Variants in NRXN3 observed in about 807,000 individuals in gnomAD.
The protein encoded by NRXN3 is neurexin III.
In NRXN3, 32 loss-of-function variants were observed where a neutral mutation model predicts 137.6. The ratio of observed to expected loss-of-function variants is 0.23; its 90% confidence interval spans 0.18 to 0.31. The LOEUF (loss-of-function observed/expected upper bound fraction) is 0.31, where lower values mean the gene tolerates loss of function less well. Ranked by LOEUF, NRXN3 falls within the 10% of genes least tolerant of loss-of-function variation. NRXN3 has a pLI of 1.00. For synonymous variants in NRXN3, 798 were observed against 784.5 expected (o/e 1.02, Z -0.29); for missense variants, 1,574 against 2,062.5 (o/e 0.76, Z 4.59).
intron 4 of NRXN3, among the ~76,000 whole-genome samples, chr14:78,355,073 A>G (rs955068534): frequency 1.3e-5 from 2 of 152,214 alleles, no homozygotes; most frequent in Admixed American, 1.3e-4. Context: ...AAAATTATCC[A>G]TTAAGCCAAC....
In NRXN3 at chr14:79,309,714, G is replaced by C. The variant is rs1453575021; in HGVS notation, c.3263-157507G>C. On this transcript the variant is annotated intron_variant, in intron 15 of 20. Transcript: ENST00000335750. Reference sequence around the variant, plus strand: ...TGAGCATTTCTTCATGTGTTTTTTGGCTGCATAAATGTCTTCTTTTGAGAA... The same window carrying C: ...TGAGCATTTCTTCATGTGTTTTTTGCCTGCATAAATGTCTTCTTTTGAGAA... Among the ~76,000 whole-genome samples, 5 of 146,530 alleles carry C rather than the reference G, an allele frequency of 3.4e-5. No homozygotes were observed. In the East Asian group the frequency reaches 1.0e-3, roughly 30 times the overall value.
At chr14:79,650,162 C>T (rs1362260356) in intron 16 of NRXN3, among the ~76,000 whole-genome samples, 1 of 152,038 alleles carries the variant, frequency 6.6e-6, no homozygotes, top group Non-Finnish European at 1.5e-5. Flanking sequence ...ACACATCTAG[C>T]GTCAGAAGCG....
intron 2 of NRXN3, among the ~76,000 whole-genome samples, chr14:78,272,591 T>C (rs1341586950): frequency 6.6e-6 from 1 of 152,200 alleles, no homozygotes; most frequent in Non-Finnish European, 1.5e-5. Flanking sequence ...CATTACTGCA[T>C]TTTACCCCTT....
chr14:78,739,432 C>T (rs1378935744), intron 8 of NRXN3, among the ~76,000 whole-genome samples: 2 of 152,144 alleles, frequency 1.3e-5, no homozygotes, highest in African/African-American at 4.8e-5. Context: ...CTTTGGTTGC[C>T]CTCCACAGAG....
intron 15 of NRXN3, among the ~76,000 whole-genome samples, chr14:79,328,366 T>TG (rs1282835717): frequency 1.3e-5 from 2 of 152,168 alleles, no homozygotes; most frequent in Non-Finnish European, 2.9e-5. Flanking sequence ...GCAGAAAACT[T>TG]GCCATGCAGG....
rs187603462 is a variant in NRXN3 at position 79,500,783 on chromosome 14, G to T, written c.3444+33381G>T. On this transcript the variant is annotated intron_variant, in intron 16 of 20. Coordinates refer to ENST00000335750, the MANE Select transcript of NRXN3 (RefSeq NM_001330195.2). ...TCAAATGGCAGAGAAGATATTAAAA[G>T]TACATATATCCTAGAACTAAATATA... Among the ~76,000 whole-genome samples, 8 of 152,274 alleles carry T rather than the reference G, an allele frequency of 5.3e-5. No homozygotes were observed. In the East Asian group the frequency reaches 1.5e-3, roughly 29 times the overall value.
intron 15 of NRXN3, among the ~76,000 whole-genome samples, chr14:79,167,438 T>C (rs1596708967): frequency 6.6e-6 from 1 of 152,114 alleles, no homozygotes; most frequent in East Asian, 1.9e-4. Context: ...CTCTTCACCT[T>C]GAAGAGCCTC....
At chr14:78,635,227 AT>A (rs1487012816) in intron 4 of NRXN3, among the ~76,000 whole-genome samples, 2 of 152,208 alleles carry the variant, frequency 1.3e-5, no homozygotes, top group Non-Finnish European at 2.9e-5. Context: ...GTTACAGAGA[AT>A]TCTTTACTTG....
chr14:79,567,274 C>A (rs1039063616), intron 16 of NRXN3, among the ~76,000 whole-genome samples: 2 of 151,582 alleles, frequency 1.3e-5, no homozygotes, highest in African/African-American at 4.9e-5. Flanking sequence ...ATGTTGGTAT[C>A]TAGTATATGA....
At chr14:78,574,591 A>T (rs2096919097) in intron 4 of NRXN3, among the ~76,000 whole-genome samples, 1 of 152,212 alleles carries the variant, frequency 6.6e-6, no homozygotes, top group Non-Finnish European at 1.5e-5. Flanking sequence ...TGGGACCTGT[A>T]GCCCCTTCGT....
At chr14:79,849,873 T>C (rs2099388129) in intron 20 of NRXN3, among the ~76,000 whole-genome samples, 1 of 152,174 alleles carries the variant, frequency 6.6e-6, no homozygotes, top group Non-Finnish European at 1.5e-5. Context: ...GCACCCTCCA[T>C]GTCTACAGAA....
chr14:78,382,499 C>T (rs111940937), intron 4 of NRXN3, among the ~76,000 whole-genome samples: 157 of 152,228 alleles, frequency 1.0e-3, no homozygotes, highest in Non-Finnish European at 1.6e-3. Context: ...TATTGCAAAG[C>T]GACTGAGCCA....
chr14:79,745,583 T>C (rs184327591), intron 19 of NRXN3, among the ~76,000 whole-genome samples: 2 of 152,300 alleles, frequency 1.3e-5, no homozygotes, highest in Admixed American at 1.3e-4. Flanking sequence ...ATGATGGGTC[T>C]GCTGCAGTGT....
At chr14:79,830,436 A>G (rs537617833) in intron 20 of NRXN3, among the ~76,000 whole-genome samples, 1 of 152,270 alleles carries the variant, frequency 6.6e-6, no homozygotes, top group Admixed American at 6.5e-5. Context: ...TAACTCCCCA[A>G]ATGTGTGTCT....
At chr14:79,120,248 C>A (rs1042660830) in intron 15 of NRXN3, among the ~76,000 whole-genome samples, 1 of 152,066 alleles carries the variant, frequency 6.6e-6, no homozygotes, top group Non-Finnish European at 1.5e-5. Flanking sequence ...CAATTATTTT[C>A]TTCCGCTAAG....
intron 16 of NRXN3, among the ~76,000 whole-genome samples, chr14:79,557,041 G>A (rs1282620946): frequency 6.6e-6 from 1 of 151,012 alleles, no homozygotes; most frequent in Non-Finnish European, 1.5e-5. Flanking sequence ...CCCTCTGCAG[G>A]GTTGACATTG....
intron 2 of NRXN3, among the ~76,000 whole-genome samples, chr14:78,257,283 A>T (rs1236191155): frequency 6.6e-6 from 1 of 152,236 alleles, no homozygotes; most frequent in Non-Finnish European, 1.5e-5. Context: ...CCATCTCTTT[A>T]TTGGAATAAG....
intron 4 of NRXN3, among the ~76,000 whole-genome samples, chr14:78,353,165 A>C (rs2083791114): frequency 6.6e-6 from 1 of 152,158 alleles, no homozygotes; most frequent in Non-Finnish European, 1.5e-5. Context: ...AGCTGGTGCA[A>C]GTTATAATGC....
chr14:79,127,343 G>A (rs1460439660), intron 15 of NRXN3, among the ~76,000 whole-genome samples: 2 of 152,028 alleles, frequency 1.3e-5, no homozygotes, highest in Non-Finnish European at 1.5e-5. Context: ...ATCTTGAATT[G>A]ATTTTTGTAT....
Sources: gnomAD v4.1 joint callset for allele counts (sites outside exome capture counted in the v4.1 genomes callset) on GRCh38, gnomAD v4.1.1 for gene constraint, MANE v1.5 for transcripts, NCBI Gene and HGNC (gene_info 2026-07-23, HGNC 2026-07-21) for gene names.